The following RPS6KA2 variants were observed in gnomAD, a reference collection of about 807,000 sequenced individuals.
RPS6KA2 encodes ribosomal protein S6 kinase alpha-2.
In RPS6KA2, 42 loss-of-function variants were observed where a neutral mutation model predicts 91.8. The observed-to-expected ratio is 0.46, with a 90% CI of 0.36 to 0.59. RPS6KA2 has a LOEUF of 0.59. RPS6KA2 is among the 20% of genes least tolerant of loss of function. RPS6KA2 has a pLI of 0.00. For synonymous variants in RPS6KA2, 414 were observed against 393.6 expected (o/e 1.05, Z -0.61); for missense variants, 798 against 978.5 (o/e 0.82, Z 2.46).
chr6:166,607,078 G>A (rs1010480225), intron 1 of RPS6KA2, among the ~76,000 whole-genome samples: 20 of 147,712 alleles, frequency 1.4e-4, no homozygotes, highest in Admixed American at 1.3e-3. Context: ...GGATGCAGAG[G>A]TTGCAGTGAG....
In RPS6KA2 at chr6:166,646,196, T is replaced by A. The variant is rs146880110; in HGVS notation, c.124-107412A>T. Among the ~76,000 whole-genome samples the A allele has an allele frequency of 3.5e-3, 517 of 146,850 alleles. 2 individuals are homozygous for A. Among genetic ancestry groups the A allele is most frequent in the African/African-American group, 0.013 (503 of 38,290 alleles). On this transcript the variant is annotated intron_variant, in intron 2 of 21. Transcript: ENST00000503859. ...ATCTCAGTTGATCAGAGGGCATCTA[T>A]TTCAGTCTCTCAGATCACGTGGAAT...
intron 10 of RPS6KA2, among the ~76,000 whole-genome samples, chr6:166,472,677 C>G (rs1780815633): frequency 6.6e-6 from 1 of 152,156 alleles, no homozygotes; most frequent in Non-Finnish European, 1.5e-5. Context: ...TCGGCTCCCC[C>G]TTTTTATCTC....
chr6:166,687,664 T>A (rs1317778031), intron 2 of RPS6KA2, among the ~76,000 whole-genome samples: 1 of 152,258 alleles, frequency 6.6e-6, no homozygotes, highest in Non-Finnish European at 1.5e-5. Context: ...TTTGCTCAGA[T>A]GTGGCTTATT....
intron 6 of RPS6KA2, among the ~76,000 whole-genome samples, chr6:166,503,489 G>GC (rs963342549): frequency 6.6e-6 from 1 of 152,148 alleles, no homozygotes; most frequent in Non-Finnish European, 1.5e-5. Context: ...AGACCCCAGG[G>GC]CCCCCCCTTG....
chr6:166,494,812 G>A lies in RPS6KA2; in HGVS notation c.747+3696C>T, dbSNP rs1781726802. ...CACATCCACCTCCAGGGGACGGACG[G>A]CCACCCACACATGAGGACCACTCCC... On this transcript the variant is annotated intron_variant, in intron 8 of 20. Transcript: ENST00000265678. This position sits in a 1 kb window ranked among gnomAD's most constrained non-coding sequence, Gnocchi z 5.1. Among the ~76,000 whole-genome samples, 1 of 152,148 alleles carries A rather than the reference G, an allele frequency of 6.6e-6. No individual in the cohort carries two copies. Among genetic ancestry groups the A allele is most frequent in the South Asian group, 2.1e-4 (1 of 4,828 alleles).
At chr6:166,779,447 C>CG (rs35090826) in intron 2 of RPS6KA2, among the ~76,000 whole-genome samples, 1 of 152,138 alleles carries the variant, frequency 6.6e-6, no homozygotes, top group African/African-American at 2.4e-5. Flanking sequence ...CAGGGACCCC[C>CG]GGGCTTCACA....
chr6:166,506,616 C>T (rs1267350745), intron 5 of RPS6KA2, among the ~76,000 whole-genome samples: 1 of 152,176 alleles, frequency 6.6e-6, no homozygotes, highest in Non-Finnish European at 1.5e-5. Context: ...GCAAGGAGCC[C>T]CACAGAAACG....
At chr6:166,597,976 T>C (rs1447092928) in intron 1 of RPS6KA2, among the ~76,000 whole-genome samples, 2 of 152,234 alleles carry the variant, frequency 1.3e-5, no homozygotes, top group Admixed American at 6.5e-5. Flanking sequence ...TGGTATTTTC[T>C]TCCCTATTAA....
chr6:166,448,741 T>C lies in RPS6KA2; in HGVS notation c.1315A>G (p.Thr439Ala). The C allele has an allele frequency of 6.2e-7, 1 of 1,612,970 alleles. No individual in the cohort carries two copies. The highest frequency in any genetic ancestry group is 8.5e-7 in the Non-Finnish European group (1 of 1,179,548). ...TGCCTTACCTTCACGGCATACTCGG[T>C]GTCTGTGGCTTTATGCACACATCGC... ...CKRCVHKATDTEYAVKIIDKS... is the reference protein window; with the variant it reads ...CKRCVHKATDAEYAVKIIDKS... The change falls in exon 14 of 21, where the codon ACC becomes GCC. Residue 439 changes from threonine (T) to alanine (A), a missense_variant. Thr to Ala is a moderately conservative substitution (Grantham distance 58). Transcript: ENST00000265678. The surrounding 1 kb of genome is among the most constrained non-coding windows in gnomAD (Gnocchi z 4.7).
chr6:166,716,868 C>T (rs754379707), intron 2 of RPS6KA2, among the ~76,000 whole-genome samples: 1 of 149,118 alleles, frequency 6.7e-6, no homozygotes, highest in Admixed American at 6.8e-5. Flanking sequence ...TTTCGGATGT[C>T]AAAACACTGT....
At chr6:166,610,619 C>A (rs1786137211) in intron 1 of RPS6KA2, among the ~76,000 whole-genome samples, 1 of 152,146 alleles carries the variant, frequency 6.6e-6, no homozygotes, top group Middle Eastern at 3.2e-3. Context: ...TCCGTTGTTT[C>A]CTATATTAAT....
At chr6:166,659,802 G>T (rs1390180279) in intron 2 of RPS6KA2, among the ~76,000 whole-genome samples, 1 of 152,246 alleles carries the variant, frequency 6.6e-6, no homozygotes, top group Non-Finnish European at 1.5e-5. Context: ...GCGGGATGGG[G>T]GACCAGCGAA....
rs1780540398 is a variant in RPS6KA2, at chr6:166,466,804, T to A, written c.972+3037A>T. Reference sequence around the variant, plus strand: ...TTCACTTATTCATTTGCTCGTTCACTCACTCCCTCATTCACTCACTCCCTC... The same window carrying A: ...TTCACTTATTCATTTGCTCGTTCACACACTCCCTCATTCACTCACTCCCTC... On this transcript the variant is annotated intron_variant, in intron 11 of 20. Coordinates refer to ENST00000265678, the MANE Select transcript of RPS6KA2 (RefSeq NM_021135.6). Among the ~76,000 whole-genome samples the A allele has an allele frequency of 3.3e-5, 5 of 152,340 alleles. No homozygotes were observed. In the South Asian group the frequency reaches 1.0e-3, roughly 32 times the overall value.
At chr6:166,620,062 G>T (rs989994182) in intron 1 of RPS6KA2, among the ~76,000 whole-genome samples, 15 of 152,290 alleles carry the variant, frequency 9.8e-5, no homozygotes, top group African/African-American at 3.6e-4. Flanking sequence ...GAATGTTACC[G>T]TGCACTTCGA....
rs559068741 is a variant in RPS6KA2, at chr6:166,591,352, G to A, written c.99+35569C>T. Reference sequence around the variant, plus strand: ...GGCTGCTTCCGTCCAAATGGCGCTCGGCATGGGCATGGTTTGATGTGTGCC... The same window carrying A: ...GGCTGCTTCCGTCCAAATGGCGCTCAGCATGGGCATGGTTTGATGTGTGCC... On this transcript the variant is annotated intron_variant, in intron 1 of 20. Transcript: ENST00000265678. Among the ~76,000 whole-genome samples the A allele has an allele frequency of 2.7e-3, 405 of 152,312 alleles. 2 individuals carry two copies. The highest frequency in any genetic ancestry group is 0.01 in the Middle Eastern group (3 of 294).
intron 2 of RPS6KA2, among the ~76,000 whole-genome samples, chr6:166,818,522 T>A (rs1213681946): frequency 6.6e-6 from 1 of 152,196 alleles, no homozygotes; most frequent in Admixed American, 6.5e-5. Context: ...TGCCAGACCT[T>A]TCCATTGCAA....
intron 2 of RPS6KA2, among the ~76,000 whole-genome samples, chr6:166,833,691 C>T (rs774675403): frequency 6.6e-6 from 1 of 152,142 alleles, no homozygotes; most frequent in Non-Finnish European, 1.5e-5. Flanking sequence ...TGCAGTCACC[C>T]CTGGTTTGTT....
intron 2 of RPS6KA2, among the ~76,000 whole-genome samples, chr6:166,837,809 T>C (rs1780359754): frequency 6.6e-6 from 1 of 152,274 alleles, no homozygotes; most frequent in Non-Finnish European, 1.5e-5. Context: ...AACCAGGTTG[T>C]CACTGCGTTC....
chr6:166,683,285 C>A (rs9295361), intron 2 of RPS6KA2, among the ~76,000 whole-genome samples: 42,813 of 152,144 alleles, frequency 0.28, 7,469 homozygotes, highest in African/African-American at 0.5. Flanking sequence ...TTAACTTTAT[C>A]AATTACATGA....
Sources: allele counts gnomAD v4.1 joint callset (sites outside exome capture counted in the v4.1 genomes callset), GRCh38; gene constraint gnomAD v4.1.1; non-coding constraint Gnocchi (gnomAD v3.1); transcripts MANE v1.5; gene names NCBI Gene and HGNC (gene_info 2026-07-23, HGNC 2026-07-21).